Variants in SIPA1L1 observed in about 807,000 individuals in gnomAD.
The protein encoded by SIPA1L1 is signal induced proliferation associated 1 like 1, also known as signal-induced proliferation-associated 1-like protein 1.
Under a neutral mutation model 162.7 loss-of-function variants are expected in SIPA1L1, and 26 were observed. That is an observed-to-expected ratio of 0.16 (90% CI 0.12 to 0.22). The LOEUF is 0.22. SIPA1L1 is among the 10% of genes least tolerant of loss of function. The pLI is 1.00. For missense variants in SIPA1L1, 1,874 were observed against 2,241.0 expected, an observed-to-expected ratio of 0.84 and a Z score of 3.31; for synonymous variants, 829 against 837.4, an observed-to-expected ratio of 0.99 and a Z score of 0.17.
chr14:71,536,854 G>A (rs913011061), intron 4 of SIPA1L1, among the ~76,000 whole-genome samples: 3 of 152,216 alleles, frequency 2.0e-5, no homozygotes, highest in African/African-American at 7.2e-5. Flanking sequence ...GCATCACATT[G>A]AGATTTTAGC....
intron 14 of SIPA1L1, among the ~76,000 whole-genome samples, chr14:71,700,378 A>G (rs2081992568): frequency 1.3e-5 from 2 of 152,230 alleles, no homozygotes; most frequent in African/African-American, 4.8e-5. Flanking sequence ...ATAAAAAAGT[A>G]AAAGCATGAT....
intron 7 of SIPA1L1, among the ~76,000 whole-genome samples, chr14:71,647,224 T>A (rs1308005489): frequency 6.6e-6 from 1 of 152,092 alleles, no homozygotes; most frequent in East Asian, 1.9e-4. Flanking sequence ...CCTAATCCTC[T>A]TAAAGGATCA....
intron 7 of SIPA1L1, among the ~76,000 whole-genome samples, chr14:71,638,488 CT>C (rs1407327848): frequency 6.6e-6 from 1 of 152,140 alleles, no homozygotes; most frequent in Non-Finnish European, 1.5e-5. Flanking sequence ...AAAATTTGAA[CT>C]TATTTATGAT....
rs1008718697 is a variant in SIPA1L1 at position 71,636,827 on chromosome 14, C to T, written c.1818+12591C>T. 5.9e-5 allele frequency among the ~76,000 whole-genome samples: 9 copies of T among 152,100 alleles called. No individual in the cohort carries two copies. The East Asian group carries it at 1.7e-3, about 29-fold the overall frequency. ...GAGGCCGAGGTGGGCAGATCACTTG[C>T]GATCAGGTGAGTGGATCACTTGAGA... On this transcript the variant is annotated intron_variant, in intron 7 of 23. Transcript: ENST00000381232.
At chr14:71,390,178 G>T (rs1012775473) in intron 2 of SIPA1L1, among the ~76,000 whole-genome samples, 12 of 152,100 alleles carry the variant, frequency 7.9e-5, no homozygotes, top group African/African-American at 2.9e-4. Context: ...AAATGATACA[G>T]CTGTTTCATC....
intron 6 of SIPA1L1, among the ~76,000 whole-genome samples, 171 bp from the exon 7 acceptor site, chr14:71,623,877 T>TA (rs2039701558): frequency 6.6e-6 from 1 of 152,216 alleles, no homozygotes; most frequent in African/African-American, 2.4e-5. Flanking sequence ...TTTTTCATAT[T>TA]ACAGTATCCT....
At chr14:71,695,493 G>A (rs1485104614) in intron 13 of SIPA1L1, among the ~76,000 whole-genome samples, 1 of 152,228 alleles carries the variant, frequency 6.6e-6, no homozygotes, top group Non-Finnish European at 1.5e-5. Context: ...TATACGTTTG[G>A]AGAGCAGGGT....
At chr14:71,718,742 A>C (rs537620641) in intron 17 of SIPA1L1, among the ~76,000 whole-genome samples, 75 of 152,322 alleles carry the variant, frequency 4.9e-4, no homozygotes, top group South Asian at 6.2e-4. Context: ...ATCTGCATTA[A>C]TTTGTGCCCT....
chr14:71,400,807 T>C (rs76966797), intron 2 of SIPA1L1: 1 of 152,154 alleles, frequency 6.6e-6, no homozygotes, highest in Non-Finnish European at 1.5e-5. Flanking sequence ...TTAAAACATT[T>C]TGGAAAAAGT....
At chr14:71,607,726 A>C (rs1339011052) in intron 5 of SIPA1L1, among the ~76,000 whole-genome samples, 1 of 152,172 alleles carries the variant, frequency 6.6e-6, no homozygotes, top group Non-Finnish European at 1.5e-5. Flanking sequence ...AAGACTTTTC[A>C]GTTTCTTTAA....
At chr14:71,614,052 T>C (rs760133859) in intron 5 of SIPA1L1, among the ~76,000 whole-genome samples, 1 of 151,918 alleles carries the variant, frequency 6.6e-6, no homozygotes, top group Non-Finnish European at 1.5e-5. Flanking sequence ...ATAGAAAAAT[T>C]AGCTAGGCGT....
At chr14:71,603,988 TATATA>T (rs2037165016) in intron 5 of SIPA1L1, among the ~76,000 whole-genome samples, 1 of 145,338 alleles carries the variant, frequency 6.9e-6, no homozygotes, top group South Asian at 2.1e-4. Flanking sequence ...TATATATATT[TATATA>T]TATATAAATT....
rs568410738 is a variant in SIPA1L1 at position 71,397,355 on chromosome 14, C to G, written c.-465+76174C>G. On this transcript the variant is annotated intron_variant, in intron 2 of 23. Coordinates refer to ENST00000381232, the MANE Select transcript of SIPA1L1 (RefSeq NM_001386936.1). Reference sequence around the variant, plus strand: ...ATTCCCACTACCCCAGTTCAGATCCCAGTCATGTCTCACCTAAAAAATTGC... The same window carrying G: ...ATTCCCACTACCCCAGTTCAGATCCGAGTCATGTCTCACCTAAAAAATTGC... Among the ~76,000 whole-genome samples the G allele has an allele frequency of 3.9e-5, 6 of 152,222 alleles. No homozygotes were observed. In the South Asian group the frequency reaches 1.2e-3, roughly 32 times the overall value.
At chr14:71,569,162 G>T (rs553173307) in intron 4 of SIPA1L1, among the ~76,000 whole-genome samples, 1 of 152,282 alleles carries the variant, frequency 6.6e-6, no homozygotes, top group East Asian at 1.9e-4. Context: ...TATGAAGACA[G>T]GTAAGGGGGA....
At chr14:71,688,531 A>T (rs1252457347) in intron 13 of SIPA1L1, among the ~76,000 whole-genome samples, 4 of 152,186 alleles carry the variant, frequency 2.6e-5, no homozygotes, top group Non-Finnish European at 5.9e-5. Context: ...ACCTTAGAAT[A>T]TAATTTCCTT....
chr14:71,357,458 A>G (rs1444254073), intron 2 of SIPA1L1, among the ~76,000 whole-genome samples: 3 of 152,202 alleles, frequency 2.0e-5, no homozygotes, highest in Admixed American at 6.5e-5. Context: ...AGGAAAGCAC[A>G]GGTTTCTCCA....
intron 2 of SIPA1L1, among the ~76,000 whole-genome samples, chr14:71,396,739 ATATGT>A (rs1375406644): frequency 6.6e-6 from 1 of 152,156 alleles, no homozygotes; most frequent in Non-Finnish European, 1.5e-5. Flanking sequence ...GTAGTTTATC[ATATGT>A]TATATTATGC....
chr14:71,617,511 G>T (rs1476137332), intron 5 of SIPA1L1, among the ~76,000 whole-genome samples: 1 of 152,072 alleles, frequency 6.6e-6, no homozygotes, highest in Non-Finnish European at 1.5e-5. Flanking sequence ...AATTTCCATG[G>T]CTTATGATAA....
chr14:71,442,717 T>A (rs1231716111), intron 2 of SIPA1L1, among the ~76,000 whole-genome samples: 1 of 152,000 alleles, frequency 6.6e-6, no homozygotes, highest in Non-Finnish European at 1.5e-5. Context: ...TGCGTAAGCT[T>A]AGGACTTTGA....
Sources: allele counts gnomAD v4.1 joint callset (sites outside exome capture counted in the v4.1 genomes callset), GRCh38; gene constraint gnomAD v4.1.1; transcripts MANE v1.5; gene names NCBI Gene and HGNC (gene_info 2026-07-23, HGNC 2026-07-21).